CDH12: variants seen among roughly 807,000 people sequenced by gnomAD.
CDH12 encodes cadherin 12, also known as cadherin-12.
A neutral mutation model predicts 74.1 loss-of-function variants in CDH12; 41 were observed. That is an observed-to-expected ratio of 0.55 (90% confidence interval 0.43 to 0.72). The LOEUF (loss-of-function observed/expected upper bound fraction) is 0.72. CDH12 is among the 30% of genes least tolerant of loss of function. CDH12 has a pLI of 0.00. For synonymous variants in CDH12, 399 were observed against 355.0 expected (o/e 1.12, Z -1.39); for missense variants, 945 against 977.2 (o/e 0.97, Z 0.44).
At chr5:22,804,292 C>G (rs1364523742) in intron 1 of CDH12, among the ~76,000 whole-genome samples, 1 of 152,188 alleles carries the variant, frequency 6.6e-6, no homozygotes, top group African/African-American at 2.4e-5. Context: ...CTTCTCTCCA[C>G]ATATATTAAT....
intron 6 of CDH12, among the ~76,000 whole-genome samples, chr5:21,970,450 T>C (rs564868893): frequency 9.8e-5 from 15 of 152,296 alleles, no homozygotes; most frequent in African/African-American, 3.6e-4. Context: ...TGGAGACTTA[T>C]ATATGTTTCT....
intron 4 of CDH12, among the ~76,000 whole-genome samples, chr5:22,150,019 T>C (rs1314215457): frequency 6.6e-6 from 1 of 151,944 alleles, no homozygotes; most frequent in Non-Finnish European, 1.5e-5. Context: ...AAATAAAATA[T>C]TTCGCTCATA....
At chr5:22,070,891 G>A (rs1412049422) in intron 5 of CDH12, among the ~76,000 whole-genome samples, 1 of 152,084 alleles carries the variant, frequency 6.6e-6, no homozygotes, top group African/African-American at 2.4e-5. Flanking sequence ...ACAACCAAAC[G>A]CTACATGTTC....
chr5:22,694,380 T>G (rs2126948247), intron 1 of CDH12, among the ~76,000 whole-genome samples: 1 of 152,322 alleles, frequency 6.6e-6, no homozygotes, highest in Non-Finnish European at 1.5e-5. Context: ...CTTCACTTGA[T>G]TATGCTGTTG....
At chr5:22,805,141 G>T (rs764198311) in intron 1 of CDH12, among the ~76,000 whole-genome samples, 1 of 152,066 alleles carries the variant, frequency 6.6e-6, no homozygotes, top group Non-Finnish European at 1.5e-5. Flanking sequence ...CACCTCTAGA[G>T]AATCCTTGCA....
intron 3 of CDH12, among the ~76,000 whole-genome samples, chr5:22,345,425 A>AT (rs1384319429): frequency 5.3e-5 from 8 of 152,046 alleles, no homozygotes; most frequent in African/African-American, 1.9e-4. Flanking sequence ...AAACTAAATA[A>AT]TTTTTCTGAA....
intron 3 of CDH12, among the ~76,000 whole-genome samples, chr5:22,364,346 T>C (rs896761609): frequency 1.3e-5 from 2 of 152,146 alleles, no homozygotes; most frequent in Admixed American, 1.3e-4. Flanking sequence ...GATTCAAATG[T>C]TAACTAAAAA....
chr5:22,173,395 A>C (rs1207440829), intron 4 of CDH12, among the ~76,000 whole-genome samples: 2 of 79,980 alleles, frequency 2.5e-5, no homozygotes, highest in East Asian at 5.2e-4. Flanking sequence ...TAATATAAAT[A>C]TTAATAAATA....
intron 1 of CDH12, among the ~76,000 whole-genome samples, chr5:22,610,562 C>G (rs112005953): frequency 2.0e-5 from 3 of 151,930 alleles, no homozygotes; most frequent in African/African-American, 7.2e-5. Context: ...AAATCTGATA[C>G]ATGTTGATTC....
intron 1 of CDH12, among the ~76,000 whole-genome samples, chr5:22,703,994 C>A (rs1321268582): frequency 6.6e-6 from 1 of 152,140 alleles, no homozygotes; most frequent in East Asian, 1.9e-4. Flanking sequence ...TCTTTGATAA[C>A]TGTCCACTCA....
At chr5:22,138,845 A>AATATATATATATATTATATATAT (rs1746614531) in intron 4 of CDH12, among the ~76,000 whole-genome samples, 1 of 76,552 alleles carries the variant, frequency 1.3e-5, no homozygotes, top group African/African-American at 4.4e-5. Flanking sequence ...ATATATACGT[A>AATATATATATATATTATATATAT]ATATATATAT....
intron 1 of CDH12, among the ~76,000 whole-genome samples, chr5:22,574,617 G>T (rs955469097): frequency 1.3e-5 from 2 of 152,000 alleles, no homozygotes; most frequent in Admixed American, 6.5e-5. Context: ...CCATAAGATG[G>T]ATTTCTATTA....
Position 22,066,075 on chromosome 5 carries a change from C to T in CDH12, c.231+12371G>A, listed in dbSNP as rs145787502. 1.7e-4 allele frequency among the ~76,000 whole-genome samples: 26 copies of T among 152,222 alleles called. No individual in the cohort carries two copies. In the East Asian group the frequency reaches 4.8e-3, roughly 28 times the overall value. On this transcript the variant is annotated intron_variant, in intron 5 of 14. Coordinates refer to ENST00000382254, the MANE Select transcript of CDH12 (RefSeq NM_004061.5). ...TTGCACCAGTTTATAGACCCAAAATCCCTTGAATGAAGGTAAGGCTGAGAT... is the reference window on the plus strand; with the variant it reads ...TTGCACCAGTTTATAGACCCAAAATTCCTTGAATGAAGGTAAGGCTGAGAT...
At chr5:22,683,714 A>T (rs562986518) in intron 1 of CDH12, among the ~76,000 whole-genome samples, 1 of 152,272 alleles carries the variant, frequency 6.6e-6, no homozygotes, top group South Asian at 2.1e-4. Context: ...TGGACAAATA[A>T]CTTGTAATGA....
At chr5:21,890,650 T>C (rs932447833) in intron 6 of CDH12, among the ~76,000 whole-genome samples, 1 of 152,100 alleles carries the variant, frequency 6.6e-6, no homozygotes, top group African/African-American at 2.4e-5. Context: ...CCTACAGCCA[T>C]TAAAGCACAA....
At chr5:22,291,478 G>C (rs957375401) in intron 3 of CDH12, among the ~76,000 whole-genome samples, 1 of 152,088 alleles carries the variant, frequency 6.6e-6, no homozygotes, top group Non-Finnish European at 1.5e-5. Context: ...CTCCACTAAA[G>C]TGCTGTTAGA....
At chr5:22,035,663 A>G (rs1209653154) in intron 5 of CDH12, among the ~76,000 whole-genome samples, 1 of 151,746 alleles carries the variant, frequency 6.6e-6, no homozygotes, top group African/African-American at 2.4e-5. Context: ...TGGTGAAGAA[A>G]AAAAACTTTT....
At chr5:22,749,299 C>A (rs2127031269) in intron 1 of CDH12, among the ~76,000 whole-genome samples, 1 of 152,308 alleles carries the variant, frequency 6.6e-6, no homozygotes, top group South Asian at 2.1e-4. Flanking sequence ...CTGAAAGGGA[C>A]ATATGGTCCC....
rs146151683 is a variant in CDH12 at position 22,191,041 on chromosome 5, A to G, written c.-187+21457T>C. On this transcript the variant is annotated intron_variant, in intron 4 of 14. Coordinates refer to ENST00000382254, the MANE Select transcript of CDH12 (RefSeq NM_004061.5). ...CCTGTCCCATTCCAAACTTCCTTCT[A>G]AATTGGCACAGTCTTCTCTGTATGA... 1.0e-3 allele frequency among the ~76,000 whole-genome samples: 154 copies of G among 152,306 alleles called. 1 individual carries two copies. Among genetic ancestry groups the G allele is most frequent in the African/African-American group, 3.6e-3 (151 of 41,576 alleles).
Sources: allele counts gnomAD v4.1 joint callset (sites outside exome capture counted in the v4.1 genomes callset), GRCh38; gene constraint gnomAD v4.1.1; transcripts MANE v1.5; gene names NCBI Gene and HGNC (gene_info 2026-07-23, HGNC 2026-07-21).